KIF26A: variants seen among roughly 807,000 people sequenced by gnomAD.
KIF26A encodes kinesin-like protein KIF26A.
Under a neutral mutation model 126.0 loss-of-function variants are expected in KIF26A, and 74 were observed. The observed-to-expected ratio is 0.59, with a 90% CI of 0.49 to 0.71. The LOEUF (loss-of-function observed/expected upper bound fraction) is 0.71, where lower values mean the gene tolerates loss of function less well. KIF26A is among the 30% of genes least tolerant of loss of function. KIF26A has a pLI of 0.00. For missense variants in KIF26A, 2,984 were observed against 2,763.3 expected (o/e 1.08, Z -1.79); for synonymous variants, 1,445 against 1,232.7 (o/e 1.17, Z -3.61).
intron 3 of KIF26A, 142 bp from the exon 4 acceptor site, chr14:104,157,613 A>T: frequency 1.1e-6 from 1 of 920,368 alleles, no homozygotes; most frequent in Non-Finnish European, 1.5e-6. Context: ...CCGGCTTCAC[A>T]GGCTGGGCCC....
Position 104,177,776 on chromosome 14 carries a change from T to C in KIF26A, c.4988T>C (p.Leu1663Pro). 1 of 1,549,170 alleles carries C rather than the reference T, an allele frequency of 6.5e-7. No individual in the cohort carries two copies. The highest frequency in any genetic ancestry group is 1.2e-5 in the South Asian group (1 of 85,010). The part of the protein sequence containing the change: ...HSGGSSGYES[L>P]RRDSEATGSA... ...GGTGGCAGCAGTGGCTATGAGAGCC[T>C]GCGGCGCGACAGCGAGGCCACCGGC... Residue 1663 changes from leucine to proline, a missense_variant, in exon 12 of 15, where the codon CTG becomes CCG. Physicochemically the swap from Leu to Pro is moderately conservative, Grantham distance 98. Transcript: ENST00000423312.
In KIF26A at chr14:104,176,134, G is replaced by A. The variant is rs761578709; in HGVS notation, c.3346G>A (p.Glu1116Lys). The A allele has an allele frequency of 2.9e-5, 46 of 1,581,410 alleles. No individual in the cohort carries two copies. Among genetic ancestry groups the A allele is most frequent in the Non-Finnish European group, 3.6e-5 (42 of 1,164,824 alleles). The change falls in exon 12 of 15, where the codon GAG (glutamate) becomes AAG (lysine). Residue 1116 changes from glutamate to lysine, a missense_variant. Glu to Lys is a moderately conservative substitution (Grantham distance 56). Coordinates refer to ENST00000423312, the MANE Select transcript of KIF26A (RefSeq NM_015656.2). Reference protein sequence around the residue: ...HGSSISSWLSEVSVCTADSRD... With the variant: ...HGSSISSWLSKVSVCTADSRD... ...CTCCTCCATCAGCTCCTGGCTCAGC[G>A]AGGTCAGCGTCTGCACTGCCGACAG...
chr14:104,164,914 T>C (rs189280765), intron 4 of KIF26A, among the ~76,000 whole-genome samples: 1 of 152,108 alleles, frequency 6.6e-6, no homozygotes, highest in East Asian at 1.9e-4. Flanking sequence ...TATGTGTCTG[T>C]CTCTGTGTGT....
At position 104,180,601 on chromosome 14, in the gene KIF26A, G is replaced by A. The variant is rs2038092183; in HGVS notation, c.*811G>A. On this transcript the variant is annotated 3_prime_UTR_variant, in exon 15 of 15. Coordinates refer to ENST00000423312, the MANE Select transcript of KIF26A (RefSeq NM_015656.2). ...TTGCCGTGGGAATTTGAAGACAAAT[G>A]ATCTATGTTTTTATGGTTTTCTAGG... 6.5e-6 allele frequency: 1 copy of A among 153,632 alleles called. No homozygotes were observed. The highest frequency in any genetic ancestry group is 2.4e-5 in the African/African-American group (1 of 41,472). The allele number at this position is 153,632 out of a possible 1,614,324, so 9.5% of individuals were successfully genotyped here.
In KIF26A at chr14:104,148,406, C is replaced by T. The variant is rs1370207822; in HGVS notation, c.289-3609C>T. On this transcript the variant is annotated intron_variant, in intron 2 of 14. Coordinates refer to ENST00000423312, the MANE Select transcript of KIF26A (RefSeq NM_015656.2). The surrounding 1 kb of genome is among the most constrained non-coding windows in gnomAD (Gnocchi z 4.3). ...TATTTCGCAGTGGAGTAATTACTGT[C>T]TTCCTCAAGACACCAGGCTGTGGAG... Among the ~76,000 whole-genome samples, 3 of 152,188 alleles carry T rather than the reference C, an allele frequency of 2.0e-5. No homozygotes were observed. Among genetic ancestry groups the T allele is most frequent in the African/African-American group, 7.2e-5 (3 of 41,438 alleles).
At position 104,151,870 on chromosome 14, in the gene KIF26A, G is replaced by A; in HGVS notation, c.289-145G>A. On this transcript the variant is annotated intron_variant, in intron 2 of 14. Transcript: ENST00000423312. This position sits in a 1 kb window ranked among gnomAD's most constrained non-coding sequence, Gnocchi z 4.9. ...CTGCTGGGCTTGTGTGGGTGAAAGT[G>A]TTTGGGCTTATTAATCTGTTACGGA... is the stretch of plus-strand genomic sequence containing the variant. 1 of 676,738 alleles carries A rather than the reference G, an allele frequency of 1.5e-6. No homozygotes were observed. Among genetic ancestry groups the A allele is most frequent in the Non-Finnish European group, 2.6e-6 (1 of 384,372 alleles). 41.9% of individuals were successfully genotyped at this position (676,738 alleles called of 1,614,324 possible).
chr14:104,147,328 C>T (rs2037689287), intron 2 of KIF26A, among the ~76,000 whole-genome samples: 2 of 152,222 alleles, frequency 1.3e-5, no homozygotes, highest in African/African-American at 4.8e-5. Flanking sequence ...CCCGAGCTGC[C>T]CAGCTGGACT....
In KIF26A at chr14:104,176,070, G is replaced by A. The variant is rs763977596; in HGVS notation, c.3282G>A (p.Gly1094=). 8.8e-6 allele frequency: 14 copies of A among 1,596,056 alleles called. No individual in the cohort carries two copies. The highest frequency in any genetic ancestry group is 1.1e-5 in the South Asian group (1 of 89,060). ...ACACCTCTCAGGCCCCTGAGGGGGGGCCCCTGGAGGGGGCAGCCTGGGCCG... is the reference window on the plus strand; with the variant it reads ...ACACCTCTCAGGCCCCTGAGGGGGGACCCCTGGAGGGGGCAGCCTGGGCCG... ...DAYTSQAPEG[G]PLEGAAWAGS... Residue 1094 remains glycine (G), a synonymous_variant, in exon 12 of 15, where the codon GGG becomes GGA. Coordinates refer to ENST00000423312, the MANE Select transcript of KIF26A (RefSeq NM_015656.2).
In KIF26A at chr14:104,151,745, C is replaced by T. The variant is rs937811334; in HGVS notation, c.289-270C>T. ...CGGTTGTCCGGGAGCCGCAAACCTG[C>T]CTTGTTAGCCGCAGGCCGGGGCGCT... On this transcript the variant is annotated intron_variant, in intron 2 of 14. Coordinates refer to ENST00000423312, the MANE Select transcript of KIF26A (RefSeq NM_015656.2). This position sits in a 1 kb window ranked among gnomAD's most constrained non-coding sequence, Gnocchi z 4.9. 3.3e-5 allele frequency among the ~76,000 whole-genome samples: 5 copies of T among 152,236 alleles called. No individual in the cohort carries two copies. The highest frequency in any genetic ancestry group is 1.2e-4 in the African/African-American group (5 of 41,462).
intron 2 of KIF26A, among the ~76,000 whole-genome samples, chr14:104,150,599 G>A (rs775948281): frequency 2.0e-5 from 3 of 152,158 alleles, no homozygotes; most frequent in Non-Finnish European, 2.9e-5. Flanking sequence ...ATGTGGGTGG[G>A]GTGACTAAGA....
At chr14:104,147,498 C>T (rs1325402104) in intron 2 of KIF26A, among the ~76,000 whole-genome samples, 4 of 152,180 alleles carry the variant, frequency 2.6e-5, no homozygotes, top group Non-Finnish European at 5.9e-5. Flanking sequence ...TCCTGGCTGG[C>T]AGACCAGGGA....
chr14:104,159,035 T>G (rs1174313272), intron 4 of KIF26A, among the ~76,000 whole-genome samples: 6 of 152,188 alleles, frequency 3.9e-5, no homozygotes, highest in Admixed American at 1.3e-4. Context: ...GTGGTCTGAT[T>G]GCAGAGTGAC....
At chr14:104,166,043 G>C (rs1229290352) in intron 4 of KIF26A, among the ~76,000 whole-genome samples, 2 of 152,062 alleles carry the variant, frequency 1.3e-5, no homozygotes, top group African/African-American at 4.8e-5. Context: ...TGTGGGTGCA[G>C]GAATCCCCCA....
At chr14:104,150,427 C>A (rs749387283) in intron 2 of KIF26A, among the ~76,000 whole-genome samples, 2 of 151,790 alleles carry the variant, frequency 1.3e-5, no homozygotes, top group Non-Finnish European at 1.5e-5. Context: ...CCTTTTCATG[C>A]GACCTGCCTG....
At chr14:104,157,287 C>T (rs933918713) in intron 3 of KIF26A, among the ~76,000 whole-genome samples, 2 of 152,192 alleles carry the variant, frequency 1.3e-5, no homozygotes, top group Non-Finnish European at 2.9e-5. Flanking sequence ...GTACGTGGGG[C>T]AATTAGTGTT....
chr14:104,154,365 C>T (rs1219017595), intron 3 of KIF26A, among the ~76,000 whole-genome samples: 1 of 152,196 alleles, frequency 6.6e-6, no homozygotes, highest in Non-Finnish European at 1.5e-5. Context: ...GTTACTGGGT[C>T]TGGCCAGAAG....
chr14:104,153,987 A>AT (rs1384292581), intron 3 of KIF26A, among the ~76,000 whole-genome samples: 1 of 152,150 alleles, frequency 6.6e-6, no homozygotes. Context: ...GTGGGAATGG[A>AT]TTTATAATTA....
rs548145010 is a variant in KIF26A, at chr14:104,178,279, C to T, written c.5111-271C>T. Among the ~76,000 whole-genome samples the T allele has an allele frequency of 8.1e-4, 123 of 152,324 alleles. No homozygotes were observed. In the Middle Eastern group the frequency reaches 0.017, roughly 21 times the overall value. ...AGTGTCGAGCTGCCTGGAAGGCCCC[C>T]GCCAGGGCTGCCCCAAGGGACAGAA... On this transcript the variant is annotated intron_variant, in intron 12 of 14. Transcript: ENST00000423312.
intron 2 of KIF26A, among the ~76,000 whole-genome samples, chr14:104,139,956 G>A (rs377352176): frequency 1.5e-4 from 23 of 152,278 alleles, no homozygotes; most frequent in East Asian, 7.7e-4. Context: ...TGGGCCTGCC[G>A]GCTTTGGAGG....
Sources: gnomAD v4.1 joint callset for allele counts (sites outside exome capture counted in the v4.1 genomes callset) on GRCh38, gnomAD v4.1.1 for gene constraint, Gnocchi (gnomAD v3.1) non-coding constraint, MANE v1.5 for transcripts, NCBI Gene and HGNC (gene_info 2026-07-23, HGNC 2026-07-21) for gene names.